Variants in FGF14 observed in about 807,000 individuals in gnomAD.
FGF14 encodes fibroblast growth factor homologous factor 4.
In FGF14, 5 loss-of-function variants were observed where a neutral mutation model predicts 25.5. That is an observed-to-expected ratio of 0.20 (90% CI 0.10 to 0.41). The LOEUF is 0.41. FGF14 is among the 10% of genes least tolerant of loss of function. The pLI is 1.00. For missense variants in FGF14, 222 were observed against 320.1 expected (o/e 0.69, Z 2.34); for synonymous variants, 138 against 118.3 (o/e 1.17, Z -1.08).
At chr13:102,019,909 T>C (rs2040545736) in intron 1 of FGF14, among the ~76,000 whole-genome samples, 1 of 152,152 alleles carries the variant, frequency 6.6e-6, no homozygotes, top group Admixed American at 6.5e-5. Context: ...TGGATGCCTT[T>C]CATAGGAGAT....
At chr13:102,177,723 GAAGTCTATTACC>G (rs1049472547) in intron 1 of FGF14, among the ~76,000 whole-genome samples, 2 of 151,568 alleles carry the variant, frequency 1.3e-5, no homozygotes, top group African/African-American at 4.8e-5. Flanking sequence ...CATCCAAAGG[GAAGTCTATTACC>G]AAGAGCTATT....
intron 1 of FGF14, among the ~76,000 whole-genome samples, chr13:102,119,521 A>G (rs2045621862): frequency 6.6e-6 from 1 of 152,204 alleles, no homozygotes; most frequent in African/African-American, 2.4e-5. Flanking sequence ...TATTCTAAGG[A>G]GAATAATGGT....
At chr13:102,010,805 A>T (rs2040038277) in intron 1 of FGF14, among the ~76,000 whole-genome samples, 1 of 152,172 alleles carries the variant, frequency 6.6e-6, no homozygotes, top group Admixed American at 6.5e-5. Context: ...AGAATGGTGA[A>T]AGATAGGAAA....
chr13:102,101,660 T>C (rs2044667946), intron 1 of FGF14, among the ~76,000 whole-genome samples: 1 of 152,080 alleles, frequency 6.6e-6, no homozygotes, highest in African/African-American at 2.4e-5. Context: ...CAACATATAC[T>C]CTTAGGAGTA....
At chr13:102,274,494 T>C (rs1566888353) in intron 1 of FGF14, among the ~76,000 whole-genome samples, 1 of 152,188 alleles carries the variant, frequency 6.6e-6, no homozygotes, top group Non-Finnish European at 1.5e-5. Flanking sequence ...AAGGATGCTG[T>C]CTCTTTGGAT....
intron 1 of FGF14, among the ~76,000 whole-genome samples, chr13:102,116,954 C>T (rs934501905): frequency 2.0e-5 from 3 of 152,186 alleles, no homozygotes; most frequent in South Asian, 2.1e-4. Context: ...TCATGGCCTT[C>T]GCTGCAGAAT....
Position 102,307,094 on chromosome 13 carries a change from C to T in FGF14, c.208+94377G>A, listed in dbSNP as rs1345525965. On this transcript the variant is annotated intron_variant, in intron 1 of 4. Transcript: ENST00000376131. The stretch of plus-strand genomic sequence containing the variant: ...CCAGCTGTGGTCAAAGAGATGGCAG[C>T]GTGACATGAATTCGATGTAGCAGAG... Among the ~76,000 whole-genome samples the T allele has an allele frequency of 4.6e-5, 7 of 152,118 alleles. No individual in the cohort carries two copies. In the East Asian group the frequency reaches 1.2e-3, roughly 25 times the overall value.
chr13:101,895,974 A>T (rs1034849642), intron 1 of FGF14, among the ~76,000 whole-genome samples: 5 of 152,116 alleles, frequency 3.3e-5, no homozygotes, highest in African/African-American at 9.7e-5. Context: ...AACAATTATA[A>T]TCTACTAAAT....
At chr13:101,797,296 CA>C (rs1232202717) in intron 3 of FGF14, among the ~76,000 whole-genome samples, 1 of 152,066 alleles carries the variant, frequency 6.6e-6, no homozygotes, top group Non-Finnish European at 1.5e-5. Context: ...TCTTTATAGA[CA>C]GGGTGGCTAG....
intron 1 of FGF14, among the ~76,000 whole-genome samples, chr13:101,951,304 C>A (rs2036154294): frequency 6.6e-6 from 1 of 152,046 alleles, no homozygotes; most frequent in African/African-American, 2.4e-5. Flanking sequence ...GCAATACGGG[C>A]ACAAGTTCAG....
At chr13:101,931,366 T>A (rs551801354) in intron 1 of FGF14, among the ~76,000 whole-genome samples, 1 of 152,308 alleles carries the variant, frequency 6.6e-6, no homozygotes, top group Admixed American at 6.5e-5. Flanking sequence ...ACCAGCAATT[T>A]AGTTAGTAGT....
chr13:102,070,641 C>G (rs2043115494), intron 1 of FGF14, among the ~76,000 whole-genome samples: 2 of 152,188 alleles, frequency 1.3e-5, no homozygotes, highest in Non-Finnish European at 2.9e-5. Context: ...AAGTGTCCAT[C>G]ATCAGATGAA....
At chr13:102,033,379 G>A (rs1205066770) in intron 1 of FGF14, among the ~76,000 whole-genome samples, 1 of 152,092 alleles carries the variant, frequency 6.6e-6, no homozygotes, top group Non-Finnish European at 1.5e-5. Context: ...CACATGACAA[G>A]GGAAGCCTTA....
intron 3 of FGF14, among the ~76,000 whole-genome samples, chr13:101,731,184 A>C (rs9585760): frequency 0.13 from 19,420 of 152,182 alleles, 1,938 homozygotes; most frequent in African/African-American, 0.28. Context: ...GATAGTTGCT[A>C]TACAGTTGGA....
intron 1 of FGF14, among the ~76,000 whole-genome samples, chr13:102,271,557 T>C (rs759171567): frequency 2.0e-5 from 3 of 152,190 alleles, no homozygotes; most frequent in Non-Finnish European, 4.4e-5. Flanking sequence ...CCCAGATGAG[T>C]GAGCTCCTTT....
At chr13:101,872,479 T>C (rs567990041) in intron 2 of FGF14, among the ~76,000 whole-genome samples, 1 of 151,980 alleles carries the variant, frequency 6.6e-6, no homozygotes, top group South Asian at 2.1e-4. Context: ...CACATTCCTA[T>C]TTTTAAAGAA....
chr13:101,729,119 C>T (rs2035638092), intron 3 of FGF14, among the ~76,000 whole-genome samples: 1 of 151,940 alleles, frequency 6.6e-6, no homozygotes, highest in Admixed American at 6.6e-5. Context: ...TCCACAGCAC[C>T]TTTCTGTGAG....
At chr13:102,359,298 C>T (rs2057502389) in intron 1 of FGF14, among the ~76,000 whole-genome samples, 1 of 152,108 alleles carries the variant, frequency 6.6e-6, no homozygotes, top group Non-Finnish European at 1.5e-5. Context: ...AGCTGCACAT[C>T]CTGCACATGT....
intron 3 of FGF14, among the ~76,000 whole-genome samples, chr13:101,742,750 C>T (rs563458336): frequency 6.6e-6 from 1 of 152,202 alleles, no homozygotes; most frequent in Non-Finnish European, 1.5e-5. Flanking sequence ...GCAAAGCTGC[C>T]TCCCATTCTA....
Sources: gnomAD v4.1 joint callset for allele counts (sites outside exome capture counted in the v4.1 genomes callset) on GRCh38, gnomAD v4.1.1 for gene constraint, MANE v1.5 for transcripts, NCBI Gene and HGNC (gene_info 2026-07-23, HGNC 2026-07-21) for gene names.